PTPRN2: variants seen among roughly 807,000 people sequenced by gnomAD.
The protein encoded by PTPRN2 is receptor-type tyrosine-protein phosphatase N2.
PTPRN2 carries 74 observed loss-of-function variants against 118.8 expected under a neutral mutation model. That is an observed-to-expected ratio of 0.62 (90% confidence interval 0.52 to 0.76). The LOEUF (loss-of-function observed/expected upper bound fraction) is 0.76, where lower values mean the gene tolerates loss of function less well. Ranked by LOEUF, PTPRN2 falls within the 30% of genes least tolerant of loss-of-function variation. PTPRN2 has a pLI of 0.00. For missense variants in PTPRN2, 1,481 were observed against 1,394.4 expected, an observed-to-expected ratio of 1.06 and a Z score of -0.99; for synonymous variants, 641 against 608.0, an observed-to-expected ratio of 1.05 and a Z score of -0.80.
chr7:157,683,146 C>G (rs564428156), intron 12 of PTPRN2, among the ~76,000 whole-genome samples: 1 of 152,330 alleles, frequency 6.6e-6, no homozygotes, highest in East Asian at 1.9e-4. Context: ...CAGATTGCAG[C>G]GTGCTCAAGA....
chr7:158,025,562 G>A (rs752710302), intron 11 of PTPRN2, among the ~76,000 whole-genome samples: 2 of 152,206 alleles, frequency 1.3e-5, no homozygotes, highest in Non-Finnish European at 2.9e-5. Context: ...GAACAAACAC[G>A]AGTATCAAAT....
intron 6 of PTPRN2, among the ~76,000 whole-genome samples, chr7:158,151,755 A>G (rs35482031): frequency 0.48 from 73,163 of 151,520 alleles, 19,309 homozygotes; most frequent in Non-Finnish European, 0.6. Flanking sequence ...CCTTCCTGCC[A>G]CAAATATTTA....
chr7:157,579,689 G>T (rs1438133691), intron 17 of PTPRN2, among the ~76,000 whole-genome samples: 1 of 152,220 alleles, frequency 6.6e-6, no homozygotes, highest in Non-Finnish European at 1.5e-5. Flanking sequence ...CGCCTTCCCG[G>T]CTCTCTGAAG....
At chr7:158,216,718 T>C (rs923481016) in intron 3 of PTPRN2, among the ~76,000 whole-genome samples, 7 of 152,072 alleles carry the variant, frequency 4.6e-5, no homozygotes, top group Non-Finnish European at 8.8e-5. Flanking sequence ...TCAACAAAGA[T>C]AGAAAAGAAC....
chr7:157,697,797 T>C (rs1191476374), intron 12 of PTPRN2, among the ~76,000 whole-genome samples: 2 of 137,774 alleles, frequency 1.5e-5, no homozygotes, highest in Non-Finnish European at 3.1e-5. Flanking sequence ...CATCTACCCA[T>C]GCATACTGGG....
chr7:157,747,334 C>T (rs374772332), intron 12 of PTPRN2, among the ~76,000 whole-genome samples: 1,780 of 90,386 alleles, frequency 0.02, 5 homozygotes, highest in Admixed American at 0.054. Context: ...GGCCTGCGTC[C>T]CTGAGCTGTG....
At position 157,729,655 on chromosome 7, in the gene PTPRN2, G is replaced by C. The variant is rs1366418405; in HGVS notation, c.1789-46718C>G. Among the ~76,000 whole-genome samples the C allele has an allele frequency of 6.6e-6, 1 of 152,184 alleles. No homozygotes were observed. ...CCGAGGGCTTCCTGGTCCTGACCCA[G>C]TCCTGCAGGGAGGTCCTGGGAGGGT... On this transcript the variant is annotated intron_variant, in intron 12 of 22. Coordinates refer to ENST00000389418, the MANE Select transcript of PTPRN2 (RefSeq NM_002847.5). This position sits in a 1 kb window ranked among gnomAD's most constrained non-coding sequence, Gnocchi z 4.3.
chr7:158,306,824 C>A (rs1298710329), intron 3 of PTPRN2, among the ~76,000 whole-genome samples: 3 of 147,360 alleles, frequency 2.0e-5, no homozygotes, highest in East Asian at 4.0e-4. Context: ...AAATGGCTTA[C>A]AAGACAAAGA....
At chr7:157,680,596 C>A (rs187757697) in intron 13 of PTPRN2, among the ~76,000 whole-genome samples, 9 of 152,300 alleles carry the variant, frequency 5.9e-5, no homozygotes, top group African/African-American at 2.2e-4. Context: ...CGTCCTGCTC[C>A]GCCAAAACAC....
intron 14 of PTPRN2, among the ~76,000 whole-genome samples, chr7:157,646,407 G>A (rs774195504): frequency 1.3e-5 from 2 of 152,100 alleles, no homozygotes; most frequent in African/African-American, 2.4e-5. Context: ...TTTGCCTTCC[G>A]CCATGACTGG....
At chr7:158,416,298 C>T (rs1236161877) in intron 2 of PTPRN2, among the ~76,000 whole-genome samples, 2 of 152,234 alleles carry the variant, frequency 1.3e-5, no homozygotes, top group African/African-American at 4.8e-5. Flanking sequence ...CCCTTGCAGG[C>T]CCAACCCACA....
intron 12 of PTPRN2, chr7:157,855,946 G>A (rs1809682135): frequency 6.6e-6 from 1 of 152,242 alleles, no homozygotes; most frequent in African/African-American, 2.4e-5. Flanking sequence ...GGCCTGGCCG[G>A]AAGTGCAGGG....
intron 2 of PTPRN2, among the ~76,000 whole-genome samples, chr7:158,415,249 C>T (rs901977851): frequency 1.3e-5 from 2 of 152,304 alleles, no homozygotes; most frequent in African/African-American, 4.8e-5. Flanking sequence ...GGTGAAGAGA[C>T]GCAAAGCTGA....
At chr7:157,945,833 C>T (rs1449007807) in intron 11 of PTPRN2, among the ~76,000 whole-genome samples, 6 of 152,112 alleles carry the variant, frequency 3.9e-5, no homozygotes, top group Non-Finnish European at 8.8e-5. Context: ...AGTCCAGCCA[C>T]ACCACTTCCT....
chr7:158,043,820 A>G (rs1808648596), intron 11 of PTPRN2, among the ~76,000 whole-genome samples: 1 of 152,204 alleles, frequency 6.6e-6, no homozygotes, highest in Non-Finnish European at 1.5e-5. Flanking sequence ...GACACTTCAC[A>G]GTGTGGCGAG....
chr7:158,258,820 C>G (rs1797199753), intron 3 of PTPRN2, among the ~76,000 whole-genome samples: 1 of 152,176 alleles, frequency 6.6e-6, no homozygotes, highest in Non-Finnish European at 1.5e-5. Context: ...ATTTGGGGAT[C>G]TGGTTTCACA....
chr7:158,364,421 G>A (rs1255753542), intron 2 of PTPRN2, among the ~76,000 whole-genome samples: 1 of 151,354 alleles, frequency 6.6e-6, no homozygotes, highest in Non-Finnish European at 1.5e-5. Flanking sequence ...CCCACAGCAG[G>A]GTATGCAGAG....
intron 3 of PTPRN2, among the ~76,000 whole-genome samples, chr7:158,284,639 T>C (rs575831777): frequency 1.2e-4 from 18 of 152,174 alleles, no homozygotes; most frequent in African/African-American, 4.1e-4. Flanking sequence ...TCCCACTCCA[T>C]AGTTTGGCGT....
rs11455057 is a variant in PTPRN2, at chr7:157,895,046, A to ACCC, written c.1788+3624_1788+3626dup. Among the ~76,000 whole-genome samples the ACCC allele has an allele frequency of 5.2e-3, 774 of 148,288 alleles. 4 individuals are homozygous for ACCC. The highest frequency in any genetic ancestry group is 9.3e-3 in the East Asian group (46 of 4,970). ...AAGACTTCATCAACCACAAAAGAGG[A>ACCC]CCCCTCCCCCACAGGAGGGGGTCAG... On this transcript the variant is annotated intron_variant, in intron 12 of 22. Transcript: ENST00000389418.
Sources: allele counts gnomAD v4.1 joint callset (sites outside exome capture counted in the v4.1 genomes callset), GRCh38; gene constraint gnomAD v4.1.1; non-coding constraint Gnocchi (gnomAD v3.1); transcripts MANE v1.5; gene names NCBI Gene and HGNC (gene_info 2026-07-23, HGNC 2026-07-21).